The following PPP2R5A variants were observed in gnomAD, a reference collection of about 807,000 sequenced individuals.
The protein encoded by PPP2R5A is serine/threonine-protein phosphatase 2A 56 kDa regulatory subunit alpha isoform.
Under a neutral mutation model 64.2 loss-of-function variants are expected in PPP2R5A, and 25 were observed. That is an observed-to-expected ratio of 0.39 (90% confidence interval 0.28 to 0.54). PPP2R5A has a LOEUF of 0.54. Ranked by LOEUF, PPP2R5A falls within the 20% of genes least tolerant of loss-of-function variation. The pLI is 0.67. For missense variants in PPP2R5A, 425 were observed against 576.3 expected (o/e 0.74, Z 2.69); for synonymous variants, 198 against 201.2 (o/e 0.98, Z 0.13).
chr1:212,342,038 A>AT (rs1186187725), intron 3 of PPP2R5A, 150 bp from the exon 4 acceptor site: 17 of 1,171,252 alleles, frequency 1.5e-5, no homozygotes, highest in Middle Eastern at 3.1e-4. Flanking sequence ...TTTAAAAAAA[A>AT]TTTTTTTTAT....
chr1:212,344,024 T>C (rs888515939), intron 4 of PPP2R5A, among the ~76,000 whole-genome samples: 4 of 152,124 alleles, frequency 2.6e-5, no homozygotes. Flanking sequence ...CAGGCTGGAG[T>C]GCAGTGGCTG....
chr1:212,355,284 T>G (rs930624019), intron 8 of PPP2R5A, among the ~76,000 whole-genome samples: 25 of 150,376 alleles, frequency 1.7e-4, no homozygotes, highest in East Asian at 1.4e-3. Context: ...ACTTGCAGGG[T>G]TTTTTTTTAA....
In PPP2R5A at chr1:212,286,147, G is replaced by T. The variant is rs1404677156; in HGVS notation, c.37G>T (p.Ala13Ser). 3 of 1,586,554 alleles carry T rather than the reference G, an allele frequency of 1.9e-6. No homozygotes were observed. The highest frequency in any genetic ancestry group is 2.6e-6 in the Non-Finnish European group (3 of 1,168,702). ...SSSPPAGAAS[A>S]AISASEKVDG... ...GTCGCCGCCGGCGGGGGCTGCCAGC[G>T]CCGCCATCTCGGCCTCGGAGAAAGT... The change falls in exon 1 of 13, where the codon GCC becomes TCC. Residue 13 changes from alanine (A) to serine (S), a missense_variant. By Grantham distance (99) the Ala-to-Ser change is moderately conservative (BLOSUM62 1). This residue lies in a region of PPP2R5A where 104 missense variants were observed against 95.7 expected (regional missense o/e 1.09). Transcript: ENST00000261461.
intron 1 of PPP2R5A, among the ~76,000 whole-genome samples, chr1:212,295,102 G>T (rs1314777113): frequency 6.6e-6 from 1 of 152,190 alleles, no homozygotes; most frequent in African/African-American, 2.4e-5. Flanking sequence ...TTGTTGCTAT[G>T]TTGAAGAATG....
chr1:212,298,868 C>T (rs1489257939), intron 1 of PPP2R5A, among the ~76,000 whole-genome samples: 1 of 39,978 alleles, frequency 2.5e-5, no homozygotes, highest in Admixed American at 1.9e-4. Context: ...GGCGGCTGGC[C>T]AGGCGGGGGG....
intron 1 of PPP2R5A, among the ~76,000 whole-genome samples, chr1:212,327,659 C>T (rs1659429740): frequency 6.6e-6 from 1 of 152,216 alleles, no homozygotes; most frequent in Admixed American, 6.5e-5. Context: ...AGTCATCCGC[C>T]TGCCTCAGCC....
intron 1 of PPP2R5A, among the ~76,000 whole-genome samples, chr1:212,322,238 GGGAGA>G (rs1429974522): frequency 7.5e-6 from 1 of 133,906 alleles, no homozygotes; most frequent in African/African-American, 3.1e-5. Flanking sequence ...GAGAGGGAGA[GGGAGA>G]GGAGGGAGAG....
chr1:212,358,126 A>G (rs950493883), intron 11 of PPP2R5A: 2 of 152,148 alleles, frequency 1.3e-5, no homozygotes, highest in African/African-American at 4.8e-5. Flanking sequence ...AAAATTGCAA[A>G]TCTCCCTGGA....
rs573347605 is a variant in PPP2R5A at position 212,359,868 on chromosome 1, A to T, written c.1329-770A>T. Reference sequence around the variant, plus strand: ...AAATAAGATGACTAGGATCATAGGAAACTTGTATTTGAAAAATATGTATTT... The same window carrying T: ...AAATAAGATGACTAGGATCATAGGATACTTGTATTTGAAAAATATGTATTT... On this transcript the variant is annotated intron_variant, in intron 12 of 12. Coordinates refer to ENST00000261461, the MANE Select transcript of PPP2R5A (RefSeq NM_006243.4). Among the ~76,000 whole-genome samples the T allele has an allele frequency of 2.6e-5, 4 of 152,300 alleles. No homozygotes were observed. In the South Asian group the frequency reaches 6.2e-4, roughly 24 times the overall value.
intron 8 of PPP2R5A, among the ~76,000 whole-genome samples, chr1:212,355,671 G>GTT (rs751508509): frequency 5.5e-5 from 8 of 144,700 alleles, no homozygotes; most frequent in Non-Finnish European, 1.1e-4. Flanking sequence ...AATGATCTGG[G>GTT]TTTTTTTTTT....
intron 1 of PPP2R5A, among the ~76,000 whole-genome samples, chr1:212,299,999 T>C (rs1218690634): frequency 6.6e-6 from 1 of 152,024 alleles, no homozygotes; most frequent in African/African-American, 2.4e-5. Context: ...TTTTAGTAGA[T>C]AACGGGGTTT....
chr1:212,294,470 C>T (rs1469919671), intron 1 of PPP2R5A, among the ~76,000 whole-genome samples: 8 of 152,070 alleles, frequency 5.3e-5, no homozygotes, highest in Non-Finnish European at 1.2e-4. Flanking sequence ...ACAAAAACAA[C>T]AACAAAAACG....
chr1:212,340,284 TCCTA>T (rs944868632), intron 3 of PPP2R5A, among the ~76,000 whole-genome samples: 2 of 152,118 alleles, frequency 1.3e-5, no homozygotes, highest in African/African-American at 2.4e-5. Context: ...TTAAAGCTTT[TCCTA>T]CCTATTCCAC....
intron 1 of PPP2R5A, among the ~76,000 whole-genome samples, chr1:212,292,995 G>A (rs143805674): frequency 2.6e-5 from 4 of 152,176 alleles, no homozygotes; most frequent in East Asian, 1.9e-4. Context: ...CCCCTTCCTC[G>A]TCCTTCTTTT....
intron 3 of PPP2R5A, among the ~76,000 whole-genome samples, chr1:212,338,552 A>G (rs1479738821): frequency 6.6e-6 from 1 of 152,048 alleles, no homozygotes; most frequent in East Asian, 1.9e-4. Context: ...CAGGTGGATC[A>G]TGAGGTCAGA....
intron 1 of PPP2R5A, chr1:212,299,770 T>C (rs1345934779): frequency 6.6e-6 from 1 of 152,186 alleles, no homozygotes; most frequent in Non-Finnish European, 1.5e-5. Context: ...AATGAAGTGC[T>C]TTTAAGATGC....
chr1:212,295,747 G>A (rs1658681926), intron 1 of PPP2R5A, among the ~76,000 whole-genome samples: 3 of 152,134 alleles, frequency 2.0e-5, no homozygotes, highest in Non-Finnish European at 4.4e-5. Flanking sequence ...GGATAACTGT[G>A]GACAAGTCAA....
chr1:212,332,447 ATCCTTTGCTAGAGAAAAAGG>A (rs1444962168), intron 2 of PPP2R5A, among the ~76,000 whole-genome samples: 2 of 152,248 alleles, frequency 1.3e-5, no homozygotes, highest in African/African-American at 4.8e-5. Context: ...ACCACAGTCT[ATCCTTTGCTAGAGAAAAAGG>A]ATATATATTT....
At chr1:212,327,194 T>C (rs1046384341) in intron 1 of PPP2R5A, among the ~76,000 whole-genome samples, 1 of 152,226 alleles carries the variant, frequency 6.6e-6, no homozygotes, top group Non-Finnish European at 1.5e-5. Context: ...TAGTTTTGTA[T>C]ATTATGAGAT....
Sources: allele counts gnomAD v4.1 joint callset (sites outside exome capture counted in the v4.1 genomes callset), GRCh38; gene constraint gnomAD v4.1.1; regional missense constraint gnomAD v4.1.1; transcripts MANE v1.5; gene names NCBI Gene and HGNC (gene_info 2026-07-23, HGNC 2026-07-21).